FTO: variants seen among roughly 807,000 people sequenced by gnomAD.
The protein encoded by FTO is FTO alpha-ketoglutarate dependent dioxygenase.
In FTO, 47 loss-of-function variants were observed where a neutral mutation model predicts 63.9. That is an observed-to-expected ratio of 0.74 (90% confidence interval 0.58 to 0.94). The LOEUF (loss-of-function observed/expected upper bound fraction) is 0.94, where lower values mean the gene tolerates loss of function less well. Among genes scored for constraint, FTO ranks in the 40% least tolerant of loss-of-function variants. The probability of loss-of-function intolerance (pLI) is 0.00; values close to 1 mark genes in which losing one functional copy is unlikely to be tolerated. For synonymous variants in FTO, 207 were observed against 224.4 expected (o/e 0.92, Z 0.69); for missense variants, 562 against 618.1 (o/e 0.91, Z 0.96).
At chr16:53,779,701 C>T (rs533032485) in intron 1 of FTO, among the ~76,000 whole-genome samples, 1 of 152,302 alleles carries the variant, frequency 6.6e-6, no homozygotes, top group South Asian at 2.1e-4. Context: ...TTTAGTGTAA[C>T]TCATCTGAAT....
At chr16:54,027,612 G>C (rs2084744088) in intron 8 of FTO, among the ~76,000 whole-genome samples, 2 of 152,048 alleles carry the variant, frequency 1.3e-5, no homozygotes, top group Admixed American at 1.3e-4. Context: ...GTTTAGGTCT[G>C]CTGGGTATTT....
At chr16:54,097,877 G>A (rs2086551702) in intron 8 of FTO, among the ~76,000 whole-genome samples, 2 of 152,176 alleles carry the variant, frequency 1.3e-5, no homozygotes, top group Admixed American at 6.5e-5. Flanking sequence ...GTCAAGGAAG[G>A]TCTCCCTGAT....
chr16:53,980,464 C>T (rs1278197766), intron 8 of FTO, among the ~76,000 whole-genome samples: 1 of 152,194 alleles, frequency 6.6e-6, no homozygotes, highest in African/African-American at 2.4e-5. Flanking sequence ...GGCTGAAATC[C>T]AATGCATACG....
chr16:54,025,858 C>G (rs2084701622), intron 8 of FTO, among the ~76,000 whole-genome samples: 1 of 152,130 alleles, frequency 6.6e-6, no homozygotes, highest in Non-Finnish European at 1.5e-5. Context: ...ACTAAAAATA[C>G]AAAAATTATC....
intron 3 of FTO, among the ~76,000 whole-genome samples, chr16:53,833,571 G>A (rs1258902217): frequency 6.6e-6 from 1 of 152,070 alleles, no homozygotes; most frequent in African/African-American, 2.4e-5. Context: ...CTTTTTTTGT[G>A]TATATACTTT....
chr16:53,825,907 G>A lies in FTO; in HGVS notation c.167G>A (p.Ser56Asn). 1 of 1,614,184 alleles carries A rather than the reference G, an allele frequency of 6.2e-7. No individual in the cohort carries two copies. Among genetic ancestry groups the A allele is most frequent in the South Asian group, 1.1e-5 (1 of 91,082 alleles). The change falls in exon 3 of 9, where the codon AGT becomes AAT. Residue 56 changes from serine to asparagine, a missense_variant. Physicochemically the swap from Ser to Asn is conservative, Grantham distance 46. Transcript: ENST00000471389. ...AAACTAATTCTCCGAGAAGCCAGCA[G>A]TGTATCTGAGGAGCTCCATAAAGAG... The part of the protein sequence containing the change: ...YPKLILREAS[S>N]VSEELHKEVQ...
intron 4 of FTO, among the ~76,000 whole-genome samples, chr16:53,857,476 A>C (rs1300674515): frequency 1.4e-5 from 2 of 141,638 alleles, no homozygotes; most frequent in African/African-American, 6.3e-5. Context: ...CTTTCTATAT[A>C]TATATAGGAA....
intron 2 of FTO, among the ~76,000 whole-genome samples, chr16:53,821,421 A>G (rs535958164): frequency 1.0e-3 from 155 of 152,208 alleles, no homozygotes; most frequent in Non-Finnish European, 1.9e-3. Flanking sequence ...GTTGCTGCTC[A>G]TGGCTTCAGA....
intron 1 of FTO, among the ~76,000 whole-genome samples, chr16:53,722,137 G>A (rs895585193): frequency 3.3e-5 from 5 of 152,032 alleles, no homozygotes; most frequent in Admixed American, 1.3e-4. Flanking sequence ...TTTCCTTACC[G>A]ACTTTATTTC....
At chr16:53,705,311 G>A (rs2075573564) in intron 1 of FTO, among the ~76,000 whole-genome samples, 1 of 152,000 alleles carries the variant, frequency 6.6e-6, no homozygotes. Flanking sequence ...ACTTCACATT[G>A]CCTACAAGAT....
intron 5 of FTO, among the ~76,000 whole-genome samples, chr16:53,877,992 G>T (rs1283865808): frequency 6.6e-6 from 1 of 152,122 alleles, no homozygotes; most frequent in Non-Finnish European, 1.5e-5. Context: ...TTTCTAGATA[G>T]AAGTCATTTT....
intron 4 of FTO, among the ~76,000 whole-genome samples, chr16:53,866,794 T>C (rs550237586): frequency 8.6e-4 from 131 of 152,226 alleles, no homozygotes; most frequent in Middle Eastern, 6.8e-3. Context: ...ATCAATTTTA[T>C]TGATCTTTTA....
chr16:53,986,313 C>G (rs950619777), intron 8 of FTO, among the ~76,000 whole-genome samples: 5 of 152,110 alleles, frequency 3.3e-5, no homozygotes, highest in African/African-American at 1.2e-4. Context: ...TAAACAGGTT[C>G]GAGTTTTTCC....
chr16:53,880,179 T>G (rs569692617), intron 6 of FTO, among the ~76,000 whole-genome samples, 192 bp downstream of exon 6: 1 of 151,982 alleles, frequency 6.6e-6, no homozygotes, highest in Non-Finnish European at 1.5e-5. Context: ...ATATTTTTAG[T>G]AGAGACGAGG....
intron 1 of FTO, chr16:53,764,056 T>C (rs1296274848): frequency 6.6e-6 from 1 of 152,180 alleles, no homozygotes; most frequent in Non-Finnish European, 1.5e-5. Flanking sequence ...ATGGGGCTCA[T>C]GATGATTTAC....
intron 1 of FTO, among the ~76,000 whole-genome samples, chr16:53,796,088 G>A (rs2078063640): frequency 8.1e-6 from 1 of 123,628 alleles, no homozygotes; most frequent in South Asian, 2.5e-4. Flanking sequence ...TCACTCTGTT[G>A]TGTAGGCTGG....
chr16:53,704,000 T>C, upstream of FTO: 11 of 683,672 alleles, frequency 1.6e-5, no homozygotes, highest in Non-Finnish European at 2.4e-5. Flanking sequence ...GAAATTCTCC[T>C]GTGCTAAATC....
intron 8 of FTO, among the ~76,000 whole-genome samples, chr16:54,097,051 C>T (rs1173190618): frequency 1.3e-5 from 2 of 152,122 alleles, no homozygotes; most frequent in Non-Finnish European, 2.9e-5. Context: ...TTCTTTGCTG[C>T]CCTAGTAGTG....
At chr16:54,053,914 G>A (rs2085369176) in intron 8 of FTO, among the ~76,000 whole-genome samples, 1 of 152,102 alleles carries the variant, frequency 6.6e-6, no homozygotes, top group African/African-American at 2.4e-5. Flanking sequence ...AACTCCACCT[G>A]CCTTGAGACT....
Sources: allele counts gnomAD v4.1 joint callset (sites outside exome capture counted in the v4.1 genomes callset), GRCh38; gene constraint gnomAD v4.1.1; transcripts MANE v1.5; gene names NCBI Gene and HGNC (gene_info 2026-07-23, HGNC 2026-07-21).